The following POLA2 variants were observed in gnomAD, a reference collection of about 807,000 sequenced individuals.
POLA2 encodes the protein DNA polymerase alpha subunit B.
Under a neutral mutation model 82.8 loss-of-function variants are expected in POLA2, and 47 were observed. That is an observed-to-expected ratio of 0.57 (90% CI 0.45 to 0.72). POLA2 has a LOEUF of 0.72. Among genes scored for constraint, POLA2 ranks in the 30% least tolerant of loss-of-function variants. The pLI is 0.00. For missense variants in POLA2, 634 were observed against 728.1 expected, an observed-to-expected ratio of 0.87 and a Z score of 1.49; for synonymous variants, 287 against 286.8, an observed-to-expected ratio of 1.00 and a Z score of -0.01.
chr11:65,268,141 C>A lies in POLA2; in HGVS notation c.297-531C>A, dbSNP rs768935432. 3.3e-5 allele frequency among the ~76,000 whole-genome samples: 5 copies of A among 151,578 alleles called. No individual in the cohort carries two copies. In the South Asian group the frequency reaches 8.3e-4, roughly 25 times the overall value. On this transcript the variant is annotated intron_variant, in intron 3 of 17. Transcript: ENST00000265465. ...ATAATAAGCTGGGTGTGGTGATGTACGCCTGTAGATCCAGCTAGTTGGTAG... is the reference window on the plus strand; with the variant it reads ...ATAATAAGCTGGGTGTGGTGATGTAAGCCTGTAGATCCAGCTAGTTGGTAG...
intron 4 of POLA2, 98 bp from the exon 5 acceptor site, chr11:65,275,794 C>T (rs192002346): frequency 2.1e-5 from 12 of 566,426 alleles, no homozygotes; most frequent in East Asian, 1.9e-4. Flanking sequence ...TTTGTGCCTT[C>T]GTTTGGACAT....
chr11:65,294,036 T>C, intron 13 of POLA2, 117 bp from the exon 14 acceptor site: 1 of 821,430 alleles, frequency 1.2e-6, no homozygotes, highest in Non-Finnish European at 2.2e-6. Context: ...AGTTCTGAGC[T>C]GCCTCCCTCG....
At position 65,281,078 on chromosome 11, in the gene POLA2, A is replaced by G. The variant is rs1590901031; in HGVS notation, c.831A>G (p.Glu277=). ...NKSVILEGDR[E]HSSGAQIPVD... ...CAGTGATTCTCGAGGGAGACCGGGA[A>G]CATTCCTCGGGTGCTCAAATTCCAG... Residue 277 remains glutamate, a synonymous_variant, in exon 8 of 18, where the codon GAA becomes GAG. Coordinates refer to ENST00000265465, the MANE Select transcript of POLA2 (RefSeq NM_002689.4). 3.1e-6 allele frequency: 5 copies of G among 1,614,140 alleles called. No homozygotes were observed. Among genetic ancestry groups the G allele is most frequent in the Non-Finnish European group, 4.2e-6 (5 of 1,180,000 alleles).
Position 65,262,223 on chromosome 11 carries a change from C to T in POLA2, c.-70C>T. 8.1e-7 allele frequency: 1 copy of T among 1,239,210 alleles called. No individual in the cohort carries two copies. Among genetic ancestry groups the T allele is most frequent in the Non-Finnish European group, 1.2e-6 (1 of 858,240 alleles). The allele number at this position is 1,239,210 out of a possible 1,614,324, so 76.8% of individuals were successfully genotyped here. A position where few individuals can be genotyped will look rare whatever the true frequency, so the allele number is the denominator to read the frequency against. On this transcript the variant is annotated 5_prime_UTR_variant, in exon 1 of 18. Coordinates refer to ENST00000265465, the MANE Select transcript of POLA2 (RefSeq NM_002689.4). Reference sequence around the variant, plus strand: ...AGGGCGAGGAGCTCATCGCTCGCCACCCCCGTGGGCTTCTTGGGCGCAGGT... The same window carrying T: ...AGGGCGAGGAGCTCATCGCTCGCCATCCCCGTGGGCTTCTTGGGCGCAGGT...
intron 5 of POLA2, among the ~76,000 whole-genome samples, chr11:65,276,406 A>T (rs1337835150): frequency 6.6e-6 from 1 of 151,648 alleles, no homozygotes; most frequent in African/African-American, 2.4e-5. Flanking sequence ...TTTTTTTTTA[A>T]AGAAAAGCAC....
chr11:65,276,045 C>T (rs779717407), intron 5 of POLA2, 47 bp downstream of exon 5: 1 of 1,067,642 alleles, frequency 9.4e-7, no homozygotes, highest in South Asian at 1.5e-5. Flanking sequence ...GCCTCCCCTC[C>T]CCTTTCTCTG....
intron 10 of POLA2, among the ~76,000 whole-genome samples, 193 bp downstream of exon 10, chr11:65,282,714 G>T (rs2137548155): frequency 6.6e-6 from 1 of 152,338 alleles, no homozygotes; most frequent in South Asian, 2.1e-4. Flanking sequence ...GTGAGCGTTG[G>T]TCGTGCTGTC....
At chr11:65,280,704 G>T (rs892836636) in intron 7 of POLA2, 12 of 406,328 alleles carry the variant, frequency 3.0e-5, no homozygotes, top group Non-Finnish European at 4.5e-5. Flanking sequence ...AGGACAGGGT[G>T]GGGTAGGCAT....
intron 11 of POLA2, 115 bp from the exon 12 acceptor site, chr11:65,288,935 T>C (rs1590906687): frequency 2.0e-6 from 2 of 980,608 alleles, no homozygotes; most frequent in Non-Finnish European, 3.2e-6. Context: ...ACAGGCAGCC[T>C]TGGAGGGACA....
chr11:65,269,761 C>T (rs973448707), intron 4 of POLA2, among the ~76,000 whole-genome samples: 1 of 151,984 alleles, frequency 6.6e-6, no homozygotes, highest in Admixed American at 6.5e-5. Context: ...TCAAAGTAAA[C>T]TACATCATAA....
chr11:65,284,266 G>GT (rs1160106320), intron 10 of POLA2, among the ~76,000 whole-genome samples: 1 of 152,080 alleles, frequency 6.6e-6, no homozygotes, highest in Non-Finnish European at 1.5e-5. Context: ...CTTGAGCCCA[G>GT]TTTAAGTTTA....
rs78415165 is a variant in POLA2, at chr11:65,262,154, G to A, written c.-139G>A. The A allele has an allele frequency of 1.6e-3, 1,049 of 666,498 alleles. 11 individuals carry two copies. The East Asian group carries it at 0.019, about 12-fold the overall frequency. 41.3% of individuals were successfully genotyped at this position (666,498 alleles called of 1,614,324 possible). A position where few individuals can be genotyped will look rare whatever the true frequency, so the allele number is the denominator to read the frequency against. On this transcript the variant is annotated 5_prime_UTR_variant, in exon 1 of 18. Transcript: ENST00000265465. ...TCTGACGGTCTGAGGTCTTGCTTGG[G>A]CCAGTCACCTCCTGTCACGGTCCGC...
At chr11:65,283,000 T>C (rs558186861) in intron 10 of POLA2, among the ~76,000 whole-genome samples, 1 of 152,176 alleles carries the variant, frequency 6.6e-6, no homozygotes, top group Non-Finnish European at 1.5e-5. Flanking sequence ...GGGCTTGTGG[T>C]GCATGCCTGT....
Position 65,295,537 on chromosome 11 carries a change from C to T in POLA2, c.1461-3C>T. 6.2e-7 allele frequency: 1 copy of T among 1,613,210 alleles called. No individual in the cohort carries two copies. ...TGTTTTCATGCTTTCTTTTCTTTCC[C>T]AGTTCTTCCGGAACTTCAGACAGAT... On this transcript the variant is annotated splice_region_variant and splice_polypyrimidine_tract_variant and intron_variant, in intron 15 of 17. Coordinates refer to ENST00000265465, the MANE Select transcript of POLA2 (RefSeq NM_002689.4).
intron 10 of POLA2, among the ~76,000 whole-genome samples, chr11:65,285,684 G>A (rs572639600): frequency 6.6e-6 from 1 of 152,212 alleles, no homozygotes; most frequent in Admixed American, 6.5e-5. Context: ...ACCTGGCTGA[G>A]ATACCAGGAG....
exon 9 of POLA2, chr11:65,305,416 A>G: frequency 2.2e-6 from 1 of 456,250 alleles, no homozygotes; most frequent in Non-Finnish European, 4.4e-6. Flanking sequence ...GGTGGAAACC[A>G]GGGGCTGGTG....
At position 65,262,221 on chromosome 11, in the gene POLA2, C is replaced by A; in HGVS notation, c.-72C>A. 1 of 1,212,140 alleles carries A rather than the reference C, an allele frequency of 8.2e-7. No individual in the cohort carries two copies. Among genetic ancestry groups the A allele is most frequent in the Non-Finnish European group, 1.2e-6 (1 of 834,600 alleles). 75.1% of individuals were successfully genotyped at this position (1,212,140 alleles called of 1,614,324 possible). A position where few individuals can be genotyped will look rare whatever the true frequency, so the allele number is the denominator to read the frequency against. ...AGAGGGCGAGGAGCTCATCGCTCGC[C>A]ACCCCCGTGGGCTTCTTGGGCGCAG... On this transcript the variant is annotated 5_prime_UTR_variant, in exon 1 of 18. Coordinates refer to ENST00000265465, the MANE Select transcript of POLA2 (RefSeq NM_002689.4).
chr11:65,273,075 T>A (rs1949539312), intron 4 of POLA2, among the ~76,000 whole-genome samples: 1 of 149,848 alleles, frequency 6.7e-6, no homozygotes. Context: ...ATCCTAGCAC[T>A]TTGGGAGGCC....
At chr11:65,272,730 C>A (rs1041062234) in intron 4 of POLA2, among the ~76,000 whole-genome samples, 7 of 152,054 alleles carry the variant, frequency 4.6e-5, no homozygotes, top group African/African-American at 1.7e-4. Context: ...ATGATGAAAC[C>A]GGCCACTGCG....
Sources: gnomAD v4.1 joint callset for allele counts (sites outside exome capture counted in the v4.1 genomes callset) on GRCh38, gnomAD v4.1.1 for gene constraint, MANE v1.5 for transcripts, NCBI Gene and HGNC (gene_info 2026-07-23, HGNC 2026-07-21) for gene names.